The following PCDHA10 variants were observed in gnomAD, a reference collection of about 807,000 sequenced individuals.
PCDHA10 encodes the protein protocadherin alpha-10.
PCDHA10 carries 45 observed loss-of-function variants against 61.2 expected under a neutral mutation model. The observed-to-expected ratio is 0.74, with a 90% CI of 0.58 to 0.94. The LOEUF is 0.94. Among genes scored for constraint, PCDHA10 ranks in the 40% least tolerant of loss-of-function variants. The pLI is 0.00. For synonymous variants in PCDHA10, 602 were observed against 548.8 expected (o/e 1.10, Z -1.35); for missense variants, 1,278 against 1,236.2 (o/e 1.03, Z -0.51).
intron 1 of PCDHA10, among the ~76,000 whole-genome samples, chr5:140,947,310 A>G (rs1554218156): frequency 6.6e-6 from 1 of 151,620 alleles, no homozygotes; most frequent in Admixed American, 6.6e-5. Flanking sequence ...ATCTTTGTAA[A>G]AAGTCGGTTG....
At chr5:140,930,712 A>T (rs1584689351) in intron 1 of PCDHA10, among the ~76,000 whole-genome samples, 1 of 152,234 alleles carries the variant, frequency 6.6e-6, no homozygotes, top group Non-Finnish European at 1.5e-5. Flanking sequence ...ATTCTTCCTC[A>T]AGTAATGATG....
rs1347476888 is a variant in PCDHA10 at position 140,857,377 on chromosome 5, G to C, written c.1329G>C (p.Glu443Asp). The stretch of plus-strand genomic sequence containing the variant: ...GGGCCACGGCCAGCGTGTCTGTGGA[G>C]GTGGCCGACGTGAACGACAACGCGC... ...PLWATASVSV[E>D]VADVNDNAPA... The change falls in exon 1 of 4, where the codon GAG becomes GAC. Residue 443 changes from glutamate (E) to aspartate (D), a missense_variant. Coordinates refer to ENST00000307360, the MANE Select transcript of PCDHA10 (RefSeq NM_018901.4). 3 of 1,598,472 alleles carry C rather than the reference G, an allele frequency of 1.9e-6. No individual in the cohort carries two copies. The highest frequency in any genetic ancestry group is 1.7e-6 in the Non-Finnish European group (2 of 1,167,886).
intron 1 of PCDHA10, among the ~76,000 whole-genome samples, chr5:140,944,481 T>C (rs1441639137): frequency 1.3e-5 from 2 of 152,106 alleles, no homozygotes; most frequent in Admixed American, 6.5e-5. Flanking sequence ...GGCACTGGAC[T>C]GAGGCTTCTT....
intron 1 of PCDHA10, among the ~76,000 whole-genome samples, chr5:140,879,587 G>A (rs904371743): frequency 6.6e-6 from 1 of 152,186 alleles, no homozygotes. Context: ...GACAGACATT[G>A]AAAAGTGAAA....
intron 1 of PCDHA10, among the ~76,000 whole-genome samples, chr5:140,959,960 T>C (rs1236536895): frequency 6.6e-6 from 1 of 152,124 alleles, no homozygotes; most frequent in Non-Finnish European, 1.5e-5. Context: ...AGGTAGGAGG[T>C]AGATGTTACT....
intron 1 of PCDHA10, among the ~76,000 whole-genome samples, chr5:140,949,776 A>G (rs1554219139): frequency 6.6e-6 from 1 of 151,716 alleles, no homozygotes; most frequent in Non-Finnish European, 1.5e-5. Flanking sequence ...AATATTTGAT[A>G]TGTTTAGATT....
intron 1 of PCDHA10, among the ~76,000 whole-genome samples, chr5:140,878,566 A>G (rs2057645190): frequency 6.6e-6 from 1 of 152,262 alleles, no homozygotes. Context: ...AACTTATCAT[A>G]GTATACCACT....
Position 140,858,108 on chromosome 5 carries a change from C to A in PCDHA10, c.2060C>A (p.Pro687His), listed in dbSNP as rs781859966. Residue 687 changes from proline to histidine, a missense_variant, in exon 1 of 4, where the codon CCC becomes CAC. Pro to His is a moderately conservative substitution (Grantham distance 77). Transcript: ENST00000307360. The part of the protein sequence containing the change: ...ASSRASVGVA[P>H]EVALVDVNVY... ...TCGCGGGCTTCAGTGGGCGTGGCGC[C>A]CGAGGTGGCCCTGGTGGATGTCAAC... 3.1e-6 allele frequency: 5 copies of A among 1,597,590 alleles called. No homozygotes were observed. The highest frequency in any genetic ancestry group is 4.3e-6 in the Non-Finnish European group (5 of 1,167,656).
chr5:140,869,374 G>A, intron 1 of PCDHA10: 1 of 1,614,124 alleles, frequency 6.2e-7, no homozygotes, highest in Non-Finnish European at 8.5e-7. Context: ...TTCTCGGATC[G>A]ACCGCGAGGA....
At chr5:140,923,217 ATCGTTTGAG>A (rs2081234922) in intron 1 of PCDHA10, among the ~76,000 whole-genome samples, 1 of 135,418 alleles carries the variant, frequency 7.4e-6, no homozygotes, top group Admixed American at 7.5e-5. Flanking sequence ...AGGTGAAAGG[ATCGTTTGAG>A]CCCAGAAGTT....
intron 1 of PCDHA10, chr5:140,929,001 G>A (rs782325865): frequency 6.2e-7 from 1 of 1,613,996 alleles, no homozygotes; most frequent in East Asian, 2.2e-5. Context: ...TTTTCTTCGT[G>A]TGTACCAAGT....
intron 1 of PCDHA10, among the ~76,000 whole-genome samples, chr5:140,974,864 C>A (rs949061887): frequency 3.9e-5 from 6 of 152,124 alleles, no homozygotes; most frequent in Non-Finnish European, 8.8e-5. Flanking sequence ...TGCCTTAATG[C>A]GGAACAGTCT....
chr5:140,900,563 C>G (rs1174778855), intron 1 of PCDHA10, among the ~76,000 whole-genome samples: 4 of 152,164 alleles, frequency 2.6e-5, no homozygotes, highest in Non-Finnish European at 5.9e-5. Flanking sequence ...AGGCGTGAGC[C>G]ACGGCACCGG....
At chr5:141,004,367 T>C (rs1281168288) in intron 3 of PCDHA10, among the ~76,000 whole-genome samples, 5 of 152,198 alleles carry the variant, frequency 3.3e-5, no homozygotes, top group Non-Finnish European at 5.9e-5. Context: ...CCACACCTTG[T>C]TCTGCTCTGC....
Position 140,857,153 on chromosome 5 carries a change from G to A in PCDHA10, c.1105G>A (p.Ala369Thr). The change falls in exon 1 of 4, where the codon GCC becomes ACC. Residue 369 changes from alanine (A) to threonine (T), a missense_variant. Transcript: ENST00000307360. ...AGATGCTCAAGTGGGCACCGTCATT[G>A]CCCTAATCAGCGTTTCTGACCATGA... ...KEDAQVGTVI[A>T]LISVSDHDSG... 1 of 1,598,322 alleles carries A rather than the reference G, an allele frequency of 6.3e-7. No homozygotes were observed. Among genetic ancestry groups the A allele is most frequent in the East Asian group, 2.2e-5 (1 of 44,846 alleles).
At chr5:140,939,207 T>C (rs1013809748) in intron 1 of PCDHA10, among the ~76,000 whole-genome samples, 1 of 152,180 alleles carries the variant, frequency 6.6e-6, no homozygotes, top group Non-Finnish European at 1.5e-5. Context: ...GAATGTCACC[T>C]TCTTGCTGTC....
intron 1 of PCDHA10, chr5:140,860,193 A>T (rs1054138940): frequency 6.9e-6 from 1 of 145,758 alleles, no homozygotes; most frequent in Non-Finnish European, 1.5e-5. Context: ...CTCTCCTTAC[A>T]TATATATCTA....
chr5:140,984,982 G>A lies in PCDHA10; in HGVS notation c.2536+2419G>A, dbSNP rs544151858. On this transcript the variant is annotated intron_variant, in intron 3 of 3. Coordinates refer to ENST00000307360, the MANE Select transcript of PCDHA10 (RefSeq NM_018901.4). ...AGACAGAGTCTCGCTCTGTCCCCCA[G>A]GCTGGAGTCCAGTGGCACGATATCG... Among the ~76,000 whole-genome samples the A allele has an allele frequency of 1.1e-3, 174 of 152,116 alleles. 2 individuals are homozygous for A. In the South Asian group the frequency reaches 0.016, roughly 14 times the overall value.
At chr5:141,006,755 A>G (rs1554260896) in intron 3 of PCDHA10, among the ~76,000 whole-genome samples, 1 of 152,190 alleles carries the variant, frequency 6.6e-6, no homozygotes, top group East Asian at 1.9e-4. Flanking sequence ...TAAATGGAGA[A>G]TGAAGAATAG....
Sources: allele counts gnomAD v4.1 joint callset (sites outside exome capture counted in the v4.1 genomes callset), GRCh38; gene constraint gnomAD v4.1.1; transcripts MANE v1.5; gene names NCBI Gene and HGNC (gene_info 2026-07-23, HGNC 2026-07-21).